WDR81: variants seen among roughly 807,000 people sequenced by gnomAD.
WDR81 encodes the protein WD repeat-containing protein 81.
In WDR81, 92 loss-of-function variants were observed where a neutral mutation model predicts 140.8. The ratio of observed to expected loss-of-function variants is 0.65; its 90% CI spans 0.55 to 0.78. The LOEUF is 0.78. Among genes scored for constraint, WDR81 ranks in the 30% least tolerant of loss-of-function variants. WDR81 has a pLI of 0.00. For synonymous variants in WDR81, 1,183 were observed against 1,156.4 expected, an observed-to-expected ratio of 1.02 and a Z score of -0.47; for missense variants, 2,502 against 2,636.4, an observed-to-expected ratio of 0.95 and a Z score of 1.12.
rs147209934 is a variant in WDR81 at position 1,735,584 on chromosome 17, G to T, written c.5192G>T (p.Arg1731Leu). 6.2e-7 allele frequency: 1 copy of T among 1,611,018 alleles called. No individual in the cohort carries two copies. Among genetic ancestry groups the T allele is most frequent in the Non-Finnish European group, 8.5e-7 (1 of 1,179,338 alleles). The change falls in exon 8 of 10, where the codon CGC becomes CTC. Residue 1731 changes from arginine (R) to leucine (L), a missense_variant. This residue lies in a region of WDR81 where 1,737 missense variants were observed against 1,843.0 expected (regional missense o/e 0.94). Transcript: ENST00000409644. This position sits in a 1 kb window ranked among gnomAD's most constrained non-coding sequence, Gnocchi z 4.2. ...CTTTCCTTCCCAGGGAAGACCCTTC[G>T]CACAGTGGAGCCGCTGGACAGCCGG... Reference protein sequence around the residue: ...VWDPFTGKTLRTVEPLDSRVP... With the variant: ...VWDPFTGKTLLTVEPLDSRVP...
rs9912287 is a variant in WDR81, at chr17:1,727,698, G to A, written c.2739G>A (p.Leu913=). The change falls in exon 1 of 10, where the codon CTG becomes CTA. Residue 913 remains leucine, a synonymous_variant. Coordinates refer to ENST00000409644, the MANE Select transcript of WDR81 (RefSeq NM_001163809.2). ...TGTGGCAGCAGCTGGGCGCGGTGCTGAAGGACATCACCCCTGAGGGCCTGG... is the reference window on the plus strand; with the variant it reads ...TGTGGCAGCAGCTGGGCGCGGTGCTAAAGGACATCACCCCTGAGGGCCTGG... The part of the protein sequence containing the change: ...FALWQQLGAV[L]KDITPEGLEI... The A allele has an allele frequency of 0.23, 353,950 of 1,550,356 alleles. 42,063 individuals are homozygous for A. The highest frequency in any genetic ancestry group is 0.38 in the South Asian group (32,303 of 84,064).
At chr17:1,736,877 G>A (rs775734909) in intron 9 of WDR81, among the ~76,000 whole-genome samples, 5 of 152,176 alleles carry the variant, frequency 3.3e-5, no homozygotes, top group East Asian at 3.9e-4. Flanking sequence ...GCAGGCTGTC[G>A]CTGGCTCCCT....
chr17:1,733,828 C>T lies in WDR81; in HGVS notation c.4791C>T (p.Ser1597=), dbSNP rs551236660. 2.9e-5 allele frequency: 47 copies of T among 1,612,320 alleles called. No individual in the cohort carries two copies. Among genetic ancestry groups the T allele is most frequent in the Admixed American group, 5.0e-5 (3 of 59,942 alleles). Reference sequence around the variant, plus strand: ...GTGGCGGGGGCCTGGGCAGCGGGAGCGACGACAACGCCCTGAAGCAGGAGC... The same window carrying T: ...GTGGCGGGGGCCTGGGCAGCGGGAGTGACGACAACGCCCTGAAGCAGGAGC... The part of the protein sequence containing the change: ...GVGGGGLGSG[S]DDNALKQELP... Residue 1597 remains serine, a synonymous_variant, in exon 7 of 10, where the codon AGC becomes AGT. Transcript: ENST00000409644.
rs770744073 is a variant in WDR81, at chr17:1,725,574, C to T, written c.615C>T (p.Gly205=). Residue 205 remains glycine, a synonymous_variant, in exon 1 of 10, where the codon GGC becomes GGT. Coordinates refer to ENST00000409644, the MANE Select transcript of WDR81 (RefSeq NM_001163809.2). Reference sequence around the variant, plus strand: ...AATGCCCTTCATATGCCAGAGAAGGCCCCTGCCCCCCTCGGGGCAGCCCTG... The same window carrying T: ...AATGCCCTTCATATGCCAGAGAAGGTCCCTGCCCCCCTCGGGGCAGCCCTG... ...TTQCPSYARE[G]PCPPRGSPAC... 11 of 1,544,976 alleles carry T rather than the reference C, an allele frequency of 7.1e-6. No homozygotes were observed. The highest frequency in any genetic ancestry group is 9.6e-6 in the Non-Finnish European group (11 of 1,146,952).
At chr17:1,729,661 A>G (rs1330337060) in intron 1 of WDR81, among the ~76,000 whole-genome samples, 1 of 152,034 alleles carries the variant, frequency 6.6e-6, no homozygotes, top group Admixed American at 6.6e-5. Flanking sequence ...GTCATGTTCC[A>G]TTAAAGAAGA....
chr17:1,726,073 C>T lies in WDR81; in HGVS notation c.1114C>T (p.Arg372Trp), dbSNP rs1432165522. The change falls in exon 1 of 10, where the codon CGG becomes TGG. Residue 372 changes from arginine to tryptophan, a missense_variant. Physicochemically the swap from Arg to Trp is moderately radical, Grantham distance 101. Coordinates refer to ENST00000409644, the MANE Select transcript of WDR81 (RefSeq NM_001163809.2). ...CATGCAGCTGAATCGGTTGGCAGGT[C>T]GGCGGCAGGGGGACCCCAACTACCA... ...YLMQLNRLAGRRQGDPNYHPV... is the reference protein window; with the variant it reads ...YLMQLNRLAGWRQGDPNYHPV... The T allele has an allele frequency of 6.5e-7, 1 of 1,547,712 alleles. No homozygotes were observed. The highest frequency in any genetic ancestry group is 8.7e-7 in the Non-Finnish European group (1 of 1,145,044).
chr17:1,737,126 G>A (rs1364415606), intron 9 of WDR81, among the ~76,000 whole-genome samples: 2 of 152,188 alleles, frequency 1.3e-5, no homozygotes, highest in Non-Finnish European at 2.9e-5. Flanking sequence ...TCACGTGCAC[G>A]CCTGGCACCA....
At chr17:1,729,474 C>T (rs965415801) in intron 1 of WDR81, among the ~76,000 whole-genome samples, 3 of 150,962 alleles carry the variant, frequency 2.0e-5, no homozygotes, top group Non-Finnish European at 4.4e-5. Context: ...AGCGGGACTC[C>T]GTCTCAAAAA....
At position 1,716,735 on chromosome 17, in the gene WDR81, T is replaced by G. The variant is rs1015595410; in HGVS notation, c.-124+102T>G. Reference sequence around the variant, plus strand: ...GAGTCGTGAGTGCTTCTTTTAGACATTCCCCAAACTGACTCGCCGGCCTCT... The same window carrying G: ...GAGTCGTGAGTGCTTCTTTTAGACAGTCCCCAAACTGACTCGCCGGCCTCT... On this transcript the variant is annotated intron_variant, in intron 1 of 10. Transcript: ENST00000309182. The G allele has an allele frequency of 1.1e-5, 14 of 1,305,940 alleles. No individual in the cohort carries two copies. The African/African-American group carries it at 1.8e-4, about 17-fold the overall frequency. 80.9% of individuals were successfully genotyped at this position (1,305,940 alleles called of 1,614,324 possible).
chr17:1,719,481 G>A (rs1028545787), intron 1 of WDR81, among the ~76,000 whole-genome samples: 5 of 151,492 alleles, frequency 3.3e-5, no homozygotes, highest in Non-Finnish European at 5.9e-5. Flanking sequence ...CCAGGAGGCG[G>A]AGCTTTGCAG....
Position 1,727,063 on chromosome 17 carries a change from C to A in WDR81, c.2104C>A (p.Arg702Ser). 6.5e-7 allele frequency: 1 copy of A among 1,550,128 alleles called. No individual in the cohort carries two copies. The highest frequency in any genetic ancestry group is 1.2e-5 in the South Asian group (1 of 84,048). ...FSVASASRPG[R>S]RNKAAGADPG... is the part of the protein sequence containing the mutation. The stretch of plus-strand genomic sequence containing the variant: ...AGTGGCCTCAGCCTCCCGTCCAGGC[C>A]GCAGGAATAAAGCTGCTGGGGCAGA... The change falls in exon 1 of 10, where the codon CGC becomes AGC. Residue 702 changes from arginine (R) to serine (S), a missense_variant. Physicochemically the swap from Arg to Ser is moderately radical, Grantham distance 110. Coordinates refer to ENST00000409644, the MANE Select transcript of WDR81 (RefSeq NM_001163809.2).
chr17:1,736,560 G>A (rs1473140680), intron 9 of WDR81, among the ~76,000 whole-genome samples: 2 of 152,148 alleles, frequency 1.3e-5, no homozygotes, highest in South Asian at 2.1e-4. Context: ...GGCCCTGTCC[G>A]TGACCTAGTT....
In WDR81 at chr17:1,717,510, A is replaced by T. The variant is rs2151153089; in HGVS notation, c.-124+877A>T. ...CTCCATCAGGTAATTGATAAGGTTC[A>T]CTTGGAGCTCCAAAATTCTGAGCCT... On this transcript the variant is annotated intron_variant, in intron 1 of 10. Transcript: ENST00000309182. Among the ~76,000 whole-genome samples the T allele has an allele frequency of 2.6e-5, 4 of 152,276 alleles. 1 individual carries two copies. The South Asian group carries it at 8.3e-4, about 32-fold the overall frequency.
rs562896991 is a variant in WDR81 at position 1,725,798 on chromosome 17, C to T, written c.839C>T (p.Ala280Val). 5.5e-5 allele frequency: 86 copies of T among 1,550,638 alleles called. 1 individual carries two copies. The South Asian group carries it at 9.2e-4, about 17-fold the overall frequency. ...AMDACHRQGL[A>V]CGALSLYHIA... ...GACGCCTGTCACCGCCAGGGGCTGG[C>T]GTGTGGGGCCCTGTCTTTGTATCAC... Residue 280 changes from alanine to valine, a missense_variant, in exon 1 of 10, where the codon GCG (alanine) becomes GTG (valine). Transcript: ENST00000409644.
Position 1,733,906 on chromosome 17 carries a change from C to G in WDR81, c.4869C>G (p.Tyr1623Ter). The G allele has an allele frequency of 6.2e-7, 1 of 1,612,756 alleles. No individual in the cohort carries two copies. Among genetic ancestry groups the G allele is most frequent in the Non-Finnish European group, 8.5e-7 (1 of 1,179,936 alleles). ...GAAACTGGCTGGCGTACTGGCAGTA[C>G]GAGATCGGCGTGAGCCAGCAGGATG... Reference protein sequence around the residue: ...LSGNWLAYWQYEIGVSQQDAH... With the variant: ...LSGNWLAYWQ Residue 1623 changes from tyrosine to a stop codon, truncating the protein, a stop_gained, in exon 7 of 10, where the codon TAC becomes TAG. Coordinates refer to ENST00000409644, the MANE Select transcript of WDR81 (RefSeq NM_001163809.2). LOFTEE classifies it high-confidence loss of function.
chr17:1,724,782 G>C lies in WDR81; in HGVS notation c.-178G>C, dbSNP rs888732020. 64 of 1,170,676 alleles carry C rather than the reference G, an allele frequency of 5.5e-5. No homozygotes were observed. The highest frequency in any genetic ancestry group is 6.1e-5 in the Non-Finnish European group (58 of 948,708). The allele number at this position is 1,170,676 out of a possible 1,614,324, so 72.5% of individuals were successfully genotyped here. A position where few individuals can be genotyped will look rare whatever the true frequency, so the allele number is the denominator to read the frequency against. On this transcript the variant is annotated 5_prime_UTR_variant, in exon 1 of 10. Transcript: ENST00000409644. Reference sequence around the variant, plus strand: ...CCGCGCCCGGAGCGCAGGACCCGCGGAGGGGTAAGCGCGCCCCCCGTCCGC... The same window carrying C: ...CCGCGCCCGGAGCGCAGGACCCGCGCAGGGGTAAGCGCGCCCCCCGTCCGC...
Position 1,737,391 on chromosome 17 carries a change from C to T in WDR81, c.5532C>T (p.Ser1844=). ...IKAVEGSVLV[S]SSSDHSLTVW... is the part of the protein sequence containing the mutation. ...CGGTGGAGGGCAGCGTCCTGGTCAG[C>T]TCCTCCTCTGACCATTCCTTGACCG... is the stretch of plus-strand genomic sequence containing the variant. The change falls in exon 10 of 10, where the codon AGC becomes AGT. Residue 1844 remains serine (S), a synonymous_variant. Coordinates refer to ENST00000409644, the MANE Select transcript of WDR81 (RefSeq NM_001163809.2). The T allele has an allele frequency of 1.2e-6, 2 of 1,611,910 alleles. No homozygotes were observed. Among genetic ancestry groups the T allele is most frequent in the African/African-American group, 2.7e-5 (2 of 75,034 alleles).
upstream of WDR81, among the ~76,000 whole-genome samples, chr17:1,720,580 C>T (rs1914811113): frequency 6.6e-6 from 1 of 152,016 alleles, no homozygotes; most frequent in African/African-American, 2.4e-5. Context: ...AATTTGAGAC[C>T]AGCCTGGCCA....
At chr17:1,733,063 G>A (rs762694826) in intron 6 of WDR81, 2 of 544,800 alleles carry the variant, frequency 3.7e-6, no homozygotes, top group Non-Finnish European at 6.2e-6. Context: ...CCCTGGGGAA[G>A]GCAGGAGAGT....
Sources: gnomAD v4.1 joint callset for allele counts (sites outside exome capture counted in the v4.1 genomes callset) on GRCh38, gnomAD v4.1.1 for gene constraint, gnomAD v4.1.1 regional missense constraint, Gnocchi (gnomAD v3.1) non-coding constraint, MANE v1.5 for transcripts, NCBI Gene and HGNC (gene_info 2026-07-23, HGNC 2026-07-21) for gene names.